Variants in IMMP2L observed in about 807,000 individuals in gnomAD.
IMMP2L encodes inner mitochondrial membrane peptidase subunit 2.
A neutral mutation model predicts 19.3 loss-of-function variants in IMMP2L; 18 were observed. The observed-to-expected ratio is 0.93, with a 90% CI of 0.64 to 1.38. IMMP2L has a LOEUF of 1.38. Ranked by LOEUF, IMMP2L falls within the 40% of genes most tolerant of loss-of-function variation. IMMP2L has a pLI of 0.00. For missense variants in IMMP2L, 233 were observed against 218.2 expected, an observed-to-expected ratio of 1.07 and a Z score of -0.43; for synonymous variants, 76 against 73.0, an observed-to-expected ratio of 1.04 and a Z score of -0.21.
chr7:111,252,589 C>T (rs965622732), intron 3 of IMMP2L, among the ~76,000 whole-genome samples: 1 of 152,074 alleles, frequency 6.6e-6, no homozygotes, highest in Admixed American at 6.6e-5. Context: ...AGAATACCAG[C>T]CTCTGATGAA....
chr7:111,496,897 CATAGATAGATAG>C (rs367671688), intron 2 of IMMP2L, among the ~76,000 whole-genome samples: 1 of 151,444 alleles, frequency 6.6e-6, no homozygotes, highest in Non-Finnish European at 1.5e-5. Flanking sequence ...TAGATAGATA[CATAGATAGATAG>C]ATAGATAGAT....
At chr7:110,690,103 G>A (rs1793388462) in intron 5 of IMMP2L, among the ~76,000 whole-genome samples, 1 of 152,162 alleles carries the variant, frequency 6.6e-6, no homozygotes, top group African/African-American at 2.4e-5. Context: ...GTCCAGGCCA[G>A]GCTTCTATCG....
rs1804396576 is a variant in IMMP2L, at chr7:111,154,302, T to C, written c.240-190737A>G. On this transcript the variant is annotated intron_variant, in intron 3 of 5. Coordinates refer to ENST00000405709, the MANE Select transcript of IMMP2L (RefSeq NM_032549.4). ...TGGCTAGCTACTTATTTCTTAGATTTCTAAAGTCCTGCTAGAAACATAATA... is the reference window on the plus strand; with the variant it reads ...TGGCTAGCTACTTATTTCTTAGATTCCTAAAGTCCTGCTAGAAACATAATA... Among the ~76,000 whole-genome samples, 3 of 152,114 alleles carry C rather than the reference T, an allele frequency of 2.0e-5. No homozygotes were observed. In the South Asian group the frequency reaches 6.2e-4, roughly 31 times the overall value.
At chr7:110,880,907 T>C (rs564047046) in intron 5 of IMMP2L, among the ~76,000 whole-genome samples, 16 of 152,208 alleles carry the variant, frequency 1.1e-4, no homozygotes, top group Non-Finnish European at 2.2e-4. Context: ...AATGAAATCA[T>C]GTGGAAAATG....
intron 4 of IMMP2L, among the ~76,000 whole-genome samples, chr7:110,899,959 A>G (rs1041124737): frequency 6.6e-6 from 1 of 152,220 alleles, no homozygotes; most frequent in Non-Finnish European, 1.5e-5. Context: ...AATATGCTCA[A>G]TTATAAGCCT....
At chr7:111,309,027 C>T (rs1048745875) in intron 3 of IMMP2L, among the ~76,000 whole-genome samples, 22 of 152,170 alleles carry the variant, frequency 1.4e-4, no homozygotes, top group African/African-American at 4.6e-4. Flanking sequence ...ATTAACTTAA[C>T]CACTGATTTG....
At chr7:111,384,171 AAGG>A (rs996798419) in intron 3 of IMMP2L, among the ~76,000 whole-genome samples, 3 of 151,508 alleles carry the variant, frequency 2.0e-5, no homozygotes, top group African/African-American at 7.3e-5. Context: ...AAGGAGGAGA[AAGG>A]AGGAGAAGGA....
Position 111,484,890 on chromosome 7 carries a change from G to A in IMMP2L, c.239+2348C>T, listed in dbSNP as rs539118580. On this transcript the variant is annotated intron_variant, in intron 3 of 5. Coordinates refer to ENST00000405709, the MANE Select transcript of IMMP2L (RefSeq NM_032549.4). ...CAGTCTCGACCTCCCAGGCTCAATCGATCTTCCTACCTCAGCCTCCCAGGT... is the reference window on the plus strand; with the variant it reads ...CAGTCTCGACCTCCCAGGCTCAATCAATCTTCCTACCTCAGCCTCCCAGGT... Among the ~76,000 whole-genome samples the A allele has an allele frequency of 3.4e-4, 52 of 152,096 alleles. 1 individual carries two copies. Among genetic ancestry groups the A allele is most frequent in the African/African-American group, 1.1e-3 (47 of 41,494 alleles).
intron 5 of IMMP2L, among the ~76,000 whole-genome samples, chr7:110,861,112 A>G (rs1361349865): frequency 7.9e-6 from 1 of 126,456 alleles, no homozygotes; most frequent in African/African-American, 2.7e-5. Flanking sequence ...AGAGAGAGAG[A>G]GAGAGAGAGA....
intron 3 of IMMP2L, among the ~76,000 whole-genome samples, chr7:111,311,746 G>A (rs575813575): frequency 6.6e-6 from 1 of 152,176 alleles, no homozygotes; most frequent in Non-Finnish European, 1.5e-5. Flanking sequence ...GTACCCTAGA[G>A]TCTGTATTTT....
At chr7:111,261,267 G>A (rs1174377875) in intron 3 of IMMP2L, among the ~76,000 whole-genome samples, 3 of 151,936 alleles carry the variant, frequency 2.0e-5, no homozygotes, top group East Asian at 3.9e-4. Flanking sequence ...AATATTCCCC[G>A]TATATTCACC....
At chr7:110,990,413 T>C (rs539111258) in intron 3 of IMMP2L, among the ~76,000 whole-genome samples, 1 of 152,292 alleles carries the variant, frequency 6.6e-6, no homozygotes, top group African/African-American at 2.4e-5. Flanking sequence ...TATACCAACA[T>C]TTATCACCCC....
intron 3 of IMMP2L, among the ~76,000 whole-genome samples, chr7:111,130,852 T>C (rs146138303): frequency 2.0e-5 from 3 of 152,186 alleles, no homozygotes; most frequent in East Asian, 1.9e-4. Flanking sequence ...TCTTTAATAA[T>C]GGTTTCAGAG....
chr7:110,932,362 T>C (rs1815589285), intron 4 of IMMP2L, among the ~76,000 whole-genome samples: 1 of 152,148 alleles, frequency 6.6e-6, no homozygotes, highest in Non-Finnish European at 1.5e-5. Flanking sequence ...AGTTTTTTTT[T>C]TCTTTTTTTG....
rs535165553 is a variant in IMMP2L at position 110,887,603 on chromosome 7, A to T, written c.306-908T>A. Among the ~76,000 whole-genome samples the T allele has an allele frequency of 2.2e-3, 330 of 152,102 alleles. 1 individual carries two copies. Among genetic ancestry groups the T allele is most frequent in the African/African-American group, 5.5e-3 (230 of 41,502 alleles). On this transcript the variant is annotated intron_variant, in intron 4 of 5. Transcript: ENST00000405709. ...AGGCTTTTTATAGCAAAAAAAAAAA[A>T]AATAATTTACCTAAATATTCAACAA...
At chr7:111,361,709 G>C (rs548611334) in intron 3 of IMMP2L, among the ~76,000 whole-genome samples, 3 of 152,168 alleles carry the variant, frequency 2.0e-5, no homozygotes, top group African/African-American at 4.8e-5. Flanking sequence ...GAGCTGTCCA[G>C]GCCACTCATC....
chr7:110,971,428 T>C (rs1212457905), intron 3 of IMMP2L, among the ~76,000 whole-genome samples: 1 of 152,076 alleles, frequency 6.6e-6, no homozygotes, highest in Non-Finnish European at 1.5e-5. Flanking sequence ...TGGGGATTGT[T>C]AGTAAAGGAA....
At chr7:110,887,750 T>C (rs1222324442) in intron 4 of IMMP2L, among the ~76,000 whole-genome samples, 1 of 151,570 alleles carries the variant, frequency 6.6e-6, no homozygotes, top group African/African-American at 2.4e-5. Flanking sequence ...CTTTTTTTTT[T>C]TTCTCTCTTT....
At chr7:111,447,202 G>A (rs1384390806) in intron 3 of IMMP2L, among the ~76,000 whole-genome samples, 5 of 145,794 alleles carry the variant, frequency 3.4e-5, no homozygotes, top group African/African-American at 1.3e-4. Context: ...AGGAAATACA[G>A]AGAACGCCAC....
Sources: allele counts gnomAD v4.1 joint callset (sites outside exome capture counted in the v4.1 genomes callset), GRCh38; gene constraint gnomAD v4.1.1; transcripts MANE v1.5; gene names NCBI Gene and HGNC (gene_info 2026-07-23, HGNC 2026-07-21).